The following RIMS2 variants were observed in gnomAD, a reference collection of about 807,000 sequenced individuals.
RIMS2 encodes regulating synaptic membrane exocytosis protein 2.
In RIMS2, 59 loss-of-function variants were observed where a neutral mutation model predicts 174.4. The ratio of observed to expected loss-of-function variants is 0.34; its 90% CI spans 0.27 to 0.42. The LOEUF (loss-of-function observed/expected upper bound fraction) is 0.42. Ranked by LOEUF, RIMS2 falls within the 10% of genes least tolerant of loss-of-function variation. The pLI is 1.00. For missense variants in RIMS2, 1,620 were observed against 1,666.3 expected, an observed-to-expected ratio of 0.97 and a Z score of 0.48; for synonymous variants, 606 against 572.5, an observed-to-expected ratio of 1.06 and a Z score of -0.84.
intron 13 of RIMS2, among the ~76,000 whole-genome samples, chr8:103,942,371 A>G (rs967449325): frequency 3.3e-5 from 5 of 152,180 alleles, no homozygotes; most frequent in Admixed American, 6.5e-5. Flanking sequence ...TATATGTACC[A>G]TATTTTCTTT....
intron 4 of RIMS2, among the ~76,000 whole-genome samples, chr8:103,904,921 T>C (rs546288987): frequency 2.0e-5 from 3 of 152,214 alleles, no homozygotes; most frequent in African/African-American, 7.2e-5. Context: ...TGTAGGTTTT[T>C]TTGTGTGGTT....
intron 3 of RIMS2, among the ~76,000 whole-genome samples, chr8:103,861,419 G>A (rs990817717): frequency 2.0e-5 from 3 of 152,028 alleles, no homozygotes; most frequent in African/African-American, 7.2e-5. Flanking sequence ...CTATGTAATT[G>A]CAATTAATGC....
At chr8:103,739,381 G>C (rs1204026522) in intron 2 of RIMS2, among the ~76,000 whole-genome samples, 1 of 152,140 alleles carries the variant, frequency 6.6e-6, no homozygotes, top group Non-Finnish European at 1.5e-5. Context: ...GCCTGTCGTA[G>C]GGTAGAGGGA....
At chr8:104,232,618 A>G (rs1022856387) in intron 19 of RIMS2, among the ~76,000 whole-genome samples, 23 of 152,326 alleles carry the variant, frequency 1.5e-4, no homozygotes, top group African/African-American at 5.3e-4. Flanking sequence ...CTTGGCACAG[A>G]TATCACAGCT....
chr8:103,682,074 G>T (rs1315861734), intron 1 of RIMS2, among the ~76,000 whole-genome samples: 1 of 152,056 alleles, frequency 6.6e-6, no homozygotes, highest in Non-Finnish European at 1.5e-5. Flanking sequence ...CTGATATGGG[G>T]AACAATGGAA....
Position 103,575,677 on chromosome 8 carries a change from C to CATATAT in RIMS2, c.176+74616_176+74617insTATATA, listed in dbSNP as rs1194550934. Among the ~76,000 whole-genome samples, 105 of 85,950 alleles carry CATATAT rather than the reference C, an allele frequency of 1.2e-3. 2 individuals are homozygous for CATATAT. The East Asian group carries it at 0.013, about 11-fold the overall frequency. 56.4% of individuals were successfully genotyped at this position (85,950 alleles called of 152,430 possible). On this transcript the variant is annotated intron_variant, in intron 1 of 23. Transcript: ENST00000504942. ...ATATATATAAACACACACATACACA[C>CATATAT]ACACACACATATATATATATATACA...
chr8:104,183,123 T>G (rs1426906396), intron 19 of RIMS2, among the ~76,000 whole-genome samples: 1 of 151,686 alleles, frequency 6.6e-6, no homozygotes. Flanking sequence ...GAGTACAACT[T>G]AACAAAATAA....
At chr8:103,623,477 A>ATTT (rs2095687172) in intron 1 of RIMS2, among the ~76,000 whole-genome samples, 2 of 80,682 alleles carry the variant, frequency 2.5e-5, no homozygotes, top group African/African-American at 1.1e-4. Flanking sequence ...GGGTTTCTTC[A>ATTT]GTTTTTTTTT....
At chr8:104,236,666 A>G (rs891735101) in intron 19 of RIMS2, among the ~76,000 whole-genome samples, 3 of 152,118 alleles carry the variant, frequency 2.0e-5, no homozygotes, top group Non-Finnish European at 4.4e-5. Flanking sequence ...TGTGAATACT[A>G]TTATGGGTCA....
intron 1 of RIMS2, among the ~76,000 whole-genome samples, chr8:103,637,312 T>G (rs1345299747): frequency 1.3e-5 from 2 of 152,168 alleles, no homozygotes; most frequent in Admixed American, 1.3e-4. Flanking sequence ...CACACTAATG[T>G]GTTAAGAATT....
In RIMS2 at chr8:103,850,822, G is replaced by A. The variant is rs1330323594; in HGVS notation, c.699-34476G>A. Among the ~76,000 whole-genome samples the A allele has an allele frequency of 3.3e-5, 5 of 151,982 alleles. No individual in the cohort carries two copies. The East Asian group carries it at 7.7e-4, about 23-fold the overall frequency. On this transcript the variant is annotated intron_variant, in intron 3 of 23. Transcript: ENST00000504942. ...TGCACATGATCTTCTTTATCTGAAA[G>A]TATATTTAGAATCCTATATGTTTCT...
chr8:103,891,636 CT>C (rs1316946228), intron 4 of RIMS2, among the ~76,000 whole-genome samples: 1 of 151,998 alleles, frequency 6.6e-6, no homozygotes, highest in Admixed American at 6.6e-5. Context: ...AGTTGCAGGC[CT>C]TTTTTTGTTT....
intron 1 of RIMS2, among the ~76,000 whole-genome samples, chr8:103,541,056 G>A (rs1842364413): frequency 6.6e-6 from 1 of 152,172 alleles, no homozygotes; most frequent in African/African-American, 2.4e-5. Flanking sequence ...GGGATTTGAG[G>A]AGAAGAGAGA....
At chr8:103,960,944 T>C (rs1253539912) in intron 14 of RIMS2, 121 bp from the exon 17 acceptor site, 2 of 691,646 alleles carry the variant, frequency 2.9e-6, no homozygotes, top group Non-Finnish European at 2.6e-6. Context: ...TTTTCTTCTG[T>C]ACATATTTTT....
At chr8:104,249,034 TC>T in intron 21 of RIMS2, among the ~76,000 whole-genome samples, 1 of 151,040 alleles carries the variant, frequency 6.6e-6, no homozygotes, top group South Asian at 2.1e-4. Flanking sequence ...GCTCAAGAAA[TC>T]CTCCCACCTC....
chr8:103,835,223 T>C (rs1204292779), intron 3 of RIMS2, among the ~76,000 whole-genome samples: 1 of 150,570 alleles, frequency 6.6e-6, no homozygotes, highest in Non-Finnish European at 1.5e-5. Context: ...TGCCTCAGCC[T>C]CCCGAGTAGC....
intron 4 of RIMS2, among the ~76,000 whole-genome samples, chr8:103,895,513 C>T (rs989532665): frequency 2.0e-5 from 3 of 151,504 alleles, no homozygotes; most frequent in Non-Finnish European, 2.9e-5. Context: ...AGACTCCACT[C>T]TCATGACTTC....
chr8:104,039,091 T>C (rs1329000830), intron 19 of RIMS2, among the ~76,000 whole-genome samples: 2 of 151,774 alleles, frequency 1.3e-5, no homozygotes, highest in South Asian at 2.1e-4. Context: ...GCCATATTCC[T>C]TATAAGAATG....
intron 19 of RIMS2, among the ~76,000 whole-genome samples, chr8:104,083,417 G>T (rs2097465612): frequency 6.6e-6 from 1 of 152,002 alleles, no homozygotes; most frequent in South Asian, 2.1e-4. Flanking sequence ...GCAACTTTTG[G>T]GATGCTAGCT....
Sources: gnomAD v4.1 joint callset for allele counts (sites outside exome capture counted in the v4.1 genomes callset) on GRCh38, gnomAD v4.1.1 for gene constraint, MANE v1.5 for transcripts, NCBI Gene and HGNC (gene_info 2026-07-23, HGNC 2026-07-21) for gene names.